The following RBL2 variants were observed in gnomAD, a reference collection of about 807,000 sequenced individuals.
RBL2 encodes the protein RB transcriptional corepressor like 2, also known as retinoblastoma-like protein 2.
In RBL2, 56 loss-of-function variants were observed where a neutral mutation model predicts 126.0. The ratio of observed to expected loss-of-function variants is 0.44; its 90% CI spans 0.36 to 0.56. The LOEUF is 0.56. Among genes scored for constraint, RBL2 ranks in the 20% least tolerant of loss-of-function variants. RBL2 has a pLI of 0.00. For missense variants in RBL2, 1,229 were observed against 1,398.2 expected (o/e 0.88, Z 1.93); for synonymous variants, 454 against 478.5 (o/e 0.95, Z 0.67).
Position 53,461,822 on chromosome 16 carries a change from A to G in RBL2, c.1428A>G (p.Pro476=), listed in dbSNP as rs1367577142. 8.1e-6 allele frequency: 13 copies of G among 1,612,770 alleles called. No homozygotes were observed. The highest frequency in any genetic ancestry group is 9.3e-6 in the Non-Finnish European group (11 of 1,179,206). The change falls in exon 10 of 22, where the codon CCA becomes CCG. Residue 476 remains proline (P), a synonymous_variant. Transcript: ENST00000262133. ...AAATATATTCTCAGCATTTCCAGCC[A>G]GACGAGGATTTCAGTAATTGTGCTA... ...MFEIYSQHFQ[P]DEDFSNCAKE...
In RBL2 at chr16:53,490,384, A is replaced by C; in HGVS notation, c.*84A>C. ...TCTAGATTATGGAGCTTTTTTCCTT[A>C]ATCCAGCTGATGAGTTACAGCCTGT... is the stretch of plus-strand genomic sequence containing the variant. On this transcript the variant is annotated 3_prime_UTR_variant, in exon 22 of 22. Transcript: ENST00000262133. 2 of 1,296,806 alleles carry C rather than the reference A, an allele frequency of 1.5e-6. No individual in the cohort carries two copies. Among genetic ancestry groups the C allele is most frequent in the Admixed American group, 4.9e-5 (2 of 40,854 alleles). 80.3% of individuals were successfully genotyped at this position (1,296,806 alleles called of 1,614,324 possible).
intron 9 of RBL2, among the ~76,000 whole-genome samples, chr16:53,460,272 T>TA (rs1472157194): frequency 2.0e-5 from 3 of 152,212 alleles, no homozygotes; most frequent in African/African-American, 7.2e-5. Context: ...AACCTTATGA[T>TA]ATGATAACGT....
In RBL2 at chr16:53,447,037, C is replaced by T; in HGVS notation, c.573-5C>T. ...CTCATGACTTTTTTTTTTCTTCCCCCAAAGGCGACAGCCCTGTACTGTGTC... is the reference window on the plus strand; with the variant it reads ...CTCATGACTTTTTTTTTTCTTCCCCTAAAGGCGACAGCCCTGTACTGTGTC... On this transcript the variant is annotated splice_polypyrimidine_tract_variant and splice_region_variant and intron_variant, in intron 3 of 21. Transcript: ENST00000262133. 1 of 1,502,540 alleles carries T rather than the reference C, an allele frequency of 6.7e-7. No individual in the cohort carries two copies. The highest frequency in any genetic ancestry group is 8.8e-7 in the Non-Finnish European group (1 of 1,129,944). The allele number at this position is 1,502,540 out of a possible 1,614,324, so 93.1% of individuals were successfully genotyped here.
intron 7 of RBL2, chr16:53,454,131 G>C: frequency 2.5e-6 from 1 of 405,082 alleles, no homozygotes; most frequent in Non-Finnish European, 4.8e-6. Flanking sequence ...CTGAAACACT[G>C]TCAGCAAAAT....
At position 53,464,207 on chromosome 16, in the gene RBL2, TA is replaced by T; in HGVS notation, c.1561-17del. ...TAGACTAAGTAAATGTTTCTAATGC[TA>T]ATAACTTTATTTTATAGGGTATTCT... On this transcript the variant is annotated intron_variant, in intron 11 of 21. Coordinates refer to ENST00000262133, the MANE Select transcript of RBL2 (RefSeq NM_005611.4). 1 of 1,523,850 alleles carries T rather than the reference TA, an allele frequency of 6.6e-7. No individual in the cohort carries two copies. The highest frequency in any genetic ancestry group is 1.4e-5 in the African/African-American group (1 of 70,738). 94.4% of individuals were successfully genotyped at this position (1,523,850 alleles called of 1,614,324 possible).
At chr16:53,441,861 G>A (rs1283897391) in intron 2 of RBL2, among the ~76,000 whole-genome samples, 1 of 151,654 alleles carries the variant, frequency 6.6e-6, no homozygotes, top group African/African-American at 2.4e-5. Context: ...TCGCATTGTC[G>A]CCAGGCTGGA....
At chr16:53,471,450 A>G (rs1484617395) in intron 17 of RBL2, among the ~76,000 whole-genome samples, 2 of 152,070 alleles carry the variant, frequency 1.3e-5, no homozygotes, top group Non-Finnish European at 2.9e-5. Context: ...AGAAATTCAC[A>G]TAACATAAAA....
rs551452349 is a variant in RBL2 at position 53,476,975 on chromosome 16, CCCTTTG to C, written c.2704-2171_2704-2166del. Among the ~76,000 whole-genome samples the C allele has an allele frequency of 1.5e-3, 231 of 152,246 alleles. 2 individuals carry two copies. Among genetic ancestry groups the C allele is most frequent in the South Asian group, 0.011 (55 of 4,832 alleles). On this transcript the variant is annotated intron_variant, in intron 17 of 21. Transcript: ENST00000262133. ...TTTTACTTTTTGTTTTCATGTCTTT[CCCTTTG>C]CCTTTGCAGCTTTGCTTTTGCATTA... is the stretch of plus-strand genomic sequence containing the variant.
At chr16:53,435,719 G>A in intron 1 of RBL2, 1 of 1,288,852 alleles carries the variant, frequency 7.8e-7, no homozygotes, top group Admixed American at 2.3e-5. Flanking sequence ...CGGGCAAATA[G>A]GTCCAGGATG....
intron 17 of RBL2, among the ~76,000 whole-genome samples, chr16:53,477,421 T>A (rs575875118): frequency 6.6e-6 from 1 of 152,314 alleles, no homozygotes; most frequent in East Asian, 1.9e-4. Context: ...CACTGTAACC[T>A]CTGCCTCCCG....
chr16:53,465,039 C>T (rs968571133), intron 12 of RBL2, among the ~76,000 whole-genome samples: 44 of 152,254 alleles, frequency 2.9e-4, no homozygotes, highest in Non-Finnish European at 5.1e-4. Flanking sequence ...GTGATCTGCC[C>T]GCCACGGCCC....
intron 13 of RBL2, chr16:53,466,761 G>A (rs1787541300): frequency 4.1e-6 from 1 of 244,916 alleles, no homozygotes; most frequent in African/African-American, 2.3e-5. Context: ...ATGTTGCCCA[G>A]TTCCTAACAG....
Position 53,465,526 on chromosome 16 carries a change from A to T in RBL2, c.1787A>T (p.His596Leu). The change falls in exon 13 of 22, where the codon CAT becomes CTT. Residue 596 changes from histidine (H) to leucine (L), a missense_variant. Transcript: ENST00000262133. ...CAGATTGAAGAACAGATCTTAGATCATTTGGCATGGAAACCAGAGTCTCCA... is the reference window on the plus strand; with the variant it reads ...CAGATTGAAGAACAGATCTTAGATCTTTTGGCATGGAAACCAGAGTCTCCA... ...LNQIEEQILD[H>L]LAWKPESPLW... is the part of the protein sequence containing the mutation. 1 of 1,608,260 alleles carries T rather than the reference A, an allele frequency of 6.2e-7. No homozygotes were observed. The highest frequency in any genetic ancestry group is 8.5e-7 in the Non-Finnish European group (1 of 1,177,554).
intron 21 of RBL2, chr16:53,488,784 A>G (rs1279249021): frequency 6.6e-6 from 1 of 152,246 alleles, no homozygotes; most frequent in African/African-American, 2.4e-5. Context: ...CTTATACACA[A>G]TTAACAATGT....
intron 7 of RBL2, chr16:53,454,454 C>T (rs943723822): frequency 7.8e-6 from 4 of 513,552 alleles, no homozygotes; most frequent in Admixed American, 6.6e-5. Flanking sequence ...CCACCTGCCT[C>T]AGCCTCCCAA....
Position 53,462,375 on chromosome 16 carries a change from A to G in RBL2, c.1457-177A>G, listed in dbSNP as rs77354515. On this transcript the variant is annotated intron_variant, in intron 10 of 21. Coordinates refer to ENST00000262133, the MANE Select transcript of RBL2 (RefSeq NM_005611.4). ...ATAATTTTAGAAAAATGTGACTGTT[A>G]CCATGAAGAAAATTAAGGTATCTTA... is the stretch of plus-strand genomic sequence containing the variant. Among the ~76,000 whole-genome samples the G allele has an allele frequency of 8.3e-3, 1,263 of 152,320 alleles. 14 individuals are homozygous for G. The highest frequency in any genetic ancestry group is 0.029 in the African/African-American group (1,199 of 41,586).
At chr16:53,483,710 G>A (rs1961045097) in intron 21 of RBL2, among the ~76,000 whole-genome samples, 1 of 152,108 alleles carries the variant, frequency 6.6e-6, no homozygotes, top group East Asian at 1.9e-4. Context: ...GGCCAACATG[G>A]TGAAACCCCA....
In RBL2 at chr16:53,459,582, G is replaced by A. The variant is rs116716601; in HGVS notation, c.1311G>A (p.Arg437=). 4.9e-5 allele frequency: 78 copies of A among 1,578,908 alleles called. No homozygotes were observed. The African/African-American group carries it at 1.0e-3, about 21-fold the overall frequency. The change falls in exon 9 of 22, where the codon AGG becomes AGA. Residue 437 remains arginine (R), a synonymous_variant. Coordinates refer to ENST00000262133, the MANE Select transcript of RBL2 (RefSeq NM_005611.4). ...TTCACACCATGCTGACAGGCCTCAG[G>A]AATGCACCAAGTGAGAAACTGGAAC... ...SRLHTMLTGL[R]NAPSEKLEQI... is the part of the protein sequence containing the mutation.
intron 21 of RBL2, chr16:53,489,788 CTAAG>C (rs1412355382): frequency 1.7e-5 from 3 of 175,478 alleles, no homozygotes; most frequent in Non-Finnish European, 3.6e-5. Flanking sequence ...AAAGATGTGT[CTAAG>C]TGACTATCAG....
Sources: gnomAD v4.1 joint callset for allele counts (sites outside exome capture counted in the v4.1 genomes callset) on GRCh38, gnomAD v4.1.1 for gene constraint, MANE v1.5 for transcripts, NCBI Gene and HGNC (gene_info 2026-07-23, HGNC 2026-07-21) for gene names.